Variants in ST3GAL5 observed in about 807,000 individuals in gnomAD.
ST3GAL5 encodes the protein ST3 beta-galactoside alpha-2,3-sialyltransferase 5.
Under a neutral mutation model 46.1 loss-of-function variants are expected in ST3GAL5, and 25 were observed. That is an observed-to-expected ratio of 0.54 (90% CI 0.40 to 0.76). The LOEUF (loss-of-function observed/expected upper bound fraction) is 0.76. ST3GAL5 is among the 30% of genes least tolerant of loss of function. The pLI, the probability that ST3GAL5 is intolerant of heterozygous loss-of-function variation, is 0.00. For synonymous variants in ST3GAL5, 182 were observed against 192.7 expected, an observed-to-expected ratio of 0.94 and a Z score of 0.46; for missense variants, 431 against 521.2, an observed-to-expected ratio of 0.83 and a Z score of 1.69.
intron 3 of ST3GAL5, 86 bp downstream of exon 3, chr2:85,861,095 T>A: frequency 1.0e-6 from 1 of 967,746 alleles, no homozygotes; most frequent in East Asian, 2.4e-5. Flanking sequence ...TAACATATAT[T>A]TGTCACACAG....
rs1025602196 is a variant in ST3GAL5 at position 85,851,830 on chromosome 2, C to G, written c.319-3626G>C. 22 of 649,702 alleles carry G rather than the reference C, an allele frequency of 3.4e-5. No individual in the cohort carries two copies. In the South Asian group the frequency reaches 3.6e-4, roughly 10 times the overall value. 40.2% of individuals were successfully genotyped at this position (649,702 alleles called of 1,614,324 possible). On this transcript the variant is annotated intron_variant, in intron 3 of 6. Transcript: ENST00000638572. The stretch of plus-strand genomic sequence containing the variant: ...GATGAGGCTCACTGGAAGCCAGGAG[C>G]TGGTGACTCTCTCGTAAAATACAAG...
chr2:85,865,809 CT>C (rs1292494011), intron 1 of ST3GAL5: 1 of 152,274 alleles, frequency 6.6e-6, no homozygotes, highest in African/African-American at 2.4e-5. Flanking sequence ...TTGTTCTACT[CT>C]GCCCGTCAGA....
At chr2:85,851,962 G>A (rs1292778520) in intron 3 of ST3GAL5, among the ~76,000 whole-genome samples, 1 of 152,228 alleles carries the variant, frequency 6.6e-6, no homozygotes, top group East Asian at 1.9e-4. Flanking sequence ...GTAGACATCT[G>A]GTAGTGCCAA....
At chr2:85,848,425 C>G in intron 3 of ST3GAL5, 1 of 1,513,856 alleles carries the variant, frequency 6.6e-7, no homozygotes, top group Non-Finnish European at 8.9e-7. Flanking sequence ...GCAGGGTATT[C>G]ATTTCATTGC....
At chr2:85,846,879 C>A in intron 4 of ST3GAL5, 1 of 289,950 alleles carries the variant, frequency 3.4e-6, no homozygotes, top group South Asian at 5.1e-5. Flanking sequence ...CAGAAATTTT[C>A]CATTGTGCTC....
chr2:85,856,448 T>C (rs35477883), intron 3 of ST3GAL5: 70,889 of 152,026 alleles, frequency 0.47, 18,721 homozygotes, highest in Middle Eastern at 0.66. Flanking sequence ...GGAGTGACTA[T>C]GAATGGATAT....
intron 1 of ST3GAL5, among the ~76,000 whole-genome samples, chr2:85,879,238 T>C (rs1686899050): frequency 6.6e-6 from 1 of 151,532 alleles, no homozygotes; most frequent in Non-Finnish European, 1.5e-5. Context: ...AACCAAGAGA[T>C]GTGGAGGAGG....
intron 1 of ST3GAL5, among the ~76,000 whole-genome samples, chr2:85,871,465 A>G (rs1685916846): frequency 6.6e-6 from 1 of 152,236 alleles, no homozygotes. Flanking sequence ...AACTTCTTCA[A>G]AATTAAGAAT....
At chr2:85,882,175 T>C (rs1281822059) in intron 1 of ST3GAL5, among the ~76,000 whole-genome samples, 1 of 152,220 alleles carries the variant, frequency 6.6e-6, no homozygotes, top group Non-Finnish European at 1.5e-5. Flanking sequence ...TGGAAACACC[T>C]GGATGCCCAG....
At chr2:85,874,726 C>T (rs1302833953) in intron 1 of ST3GAL5, among the ~76,000 whole-genome samples, 1 of 151,690 alleles carries the variant, frequency 6.6e-6, no homozygotes, top group Non-Finnish European at 1.5e-5. Context: ...CTAAAAAGTA[C>T]CTCGCATATA....
At chr2:85,851,285 G>C in intron 3 of ST3GAL5, 1 of 1,135,782 alleles carries the variant, frequency 8.8e-7, no homozygotes, top group South Asian at 2.1e-5. Flanking sequence ...GACCCCTCCT[G>C]CGCCTAAGTG....
chr2:85,888,354 A>G (rs1176961879), intron 1 of ST3GAL5: 1 of 153,108 alleles, frequency 6.5e-6, no homozygotes, highest in African/African-American at 2.4e-5. Flanking sequence ...AGGGAAGGTC[A>G]CCGGCAAATT....
At chr2:85,867,932 T>C (rs1685459818) in intron 1 of ST3GAL5, 16 of 416,360 alleles carry the variant, frequency 3.8e-5, no homozygotes, top group South Asian at 3.3e-4. Flanking sequence ...CTCCACAGTA[T>C]AAGAGTTTGA....
At chr2:85,872,783 C>T (rs1289805602) in intron 1 of ST3GAL5, among the ~76,000 whole-genome samples, 4 of 152,232 alleles carry the variant, frequency 2.6e-5, no homozygotes, top group East Asian at 3.9e-4. Context: ...ACCTACCATC[C>T]GTGGGGAAGG....
chr2:85,864,464 A>G (rs548138540), intron 1 of ST3GAL5, among the ~76,000 whole-genome samples: 1 of 152,250 alleles, frequency 6.6e-6, no homozygotes, highest in African/African-American at 2.4e-5. Context: ...ATAACTTACT[A>G]AACCTGGGAG....
At chr2:85,875,445 T>G (rs1049968662) in intron 1 of ST3GAL5, 1 of 149,560 alleles carries the variant, frequency 6.7e-6, no homozygotes, top group African/African-American at 2.5e-5. Context: ...GCCAAATCAC[T>G]CAATCTCTTT....
chr2:85,861,296 G>GA lies in ST3GAL5; in HGVS notation c.207-5dup, dbSNP rs769287782. On this transcript the variant is annotated splice_region_variant and splice_polypyrimidine_tract_variant and intron_variant, in intron 2 of 6. Transcript: ENST00000638572. Reference sequence around the variant, plus strand: ...TCCAAACACAAGCAATGTACATCTGGAAAAAAATCAATTAGGTATTATGAT... The same window carrying GA: ...TCCAAACACAAGCAATGTACATCTGGAAAAAAAATCAATTAGGTATTATGAT... The GA allele has an allele frequency of 1.9e-6, 3 of 1,572,822 alleles. No homozygotes were observed. The highest frequency in any genetic ancestry group is 2.6e-6 in the Non-Finnish European group (3 of 1,143,100).
At chr2:85,865,831 G>A (rs1385411218) in intron 1 of ST3GAL5, 1 of 152,226 alleles carries the variant, frequency 6.6e-6, no homozygotes, top group Non-Finnish European at 1.5e-5. Context: ...CTATAAGCCT[G>A]TAAATATTTT....
In ST3GAL5 at chr2:85,863,601, G is replaced by T. The variant is rs1240814140; in HGVS notation, c.83-116C>A. On this transcript the variant is annotated intron_variant, in intron 1 of 6. Transcript: ENST00000638572. ...CATCCATACCATGGAATAGTAACTG[G>T]CAATAAAGAAGAATGAACTGTTGTT... The T allele has an allele frequency of 2.6e-6, 3 of 1,161,902 alleles. No homozygotes were observed. The African/African-American group carries it at 4.5e-5, about 18-fold the overall frequency. The allele number at this position is 1,161,902 out of a possible 1,614,324, so 72.0% of individuals were successfully genotyped here. A position where few individuals can be genotyped will look rare whatever the true frequency, so the allele number is the denominator to read the frequency against.
Sources: allele counts gnomAD v4.1 joint callset (sites outside exome capture counted in the v4.1 genomes callset), GRCh38; gene constraint gnomAD v4.1.1; transcripts MANE v1.5; gene names NCBI Gene and HGNC (gene_info 2026-07-23, HGNC 2026-07-21).